The following PGBD5 variants were observed in gnomAD, a reference collection of about 807,000 sequenced individuals.
PGBD5 encodes piggyBac transposable element derived 5.
In PGBD5, 14 loss-of-function variants were observed where a neutral mutation model predicts 47.9. The ratio of observed to expected loss-of-function variants is 0.29; its 90% CI spans 0.19 to 0.46. The LOEUF (loss-of-function observed/expected upper bound fraction) is 0.46, where lower values mean the gene tolerates loss of function less well. PGBD5 is among the 20% of genes least tolerant of loss of function. The probability of loss-of-function intolerance (pLI) is 1.00; values close to 1 mark genes in which losing one functional copy is unlikely to be tolerated. For synonymous variants in PGBD5, 316 were observed against 306.3 expected, an observed-to-expected ratio of 1.03 and a Z score of -0.33; for missense variants, 635 against 716.0, an observed-to-expected ratio of 0.89 and a Z score of 1.29.
rs1431711108 is a variant in PGBD5, at chr1:230,422,837, CT to C, written c.331+2760del. ...GTTGCTTTTAGGGCTGGCACGGGAACTAGCACTGCTTCCTCCCTCTCCCAGC... is the reference window on the plus strand; with the variant it reads ...GTTGCTTTTAGGGCTGGCACGGGAACAGCACTGCTTCCTCCCTCTCCCAGC... On this transcript the variant is annotated intron_variant, in intron 1 of 6. Coordinates refer to ENST00000391860, the MANE Select transcript of PGBD5 (RefSeq NM_001258311.2). Among the ~76,000 whole-genome samples the C allele has an allele frequency of 2.0e-5, 3 of 152,190 alleles. No homozygotes were observed. The East Asian group carries it at 5.8e-4, about 29-fold the overall frequency.
At chr1:230,360,755 T>C (rs192592083) in intron 1 of PGBD5, among the ~76,000 whole-genome samples, 4 of 152,314 alleles carry the variant, frequency 2.6e-5, no homozygotes, top group African/African-American at 7.2e-5. Context: ...TATTTCTTCA[T>C]AGCAGCATGA....
intron 1 of PGBD5, among the ~76,000 whole-genome samples, chr1:230,377,045 A>G (rs1668023959): frequency 6.6e-6 from 1 of 152,220 alleles, no homozygotes. Flanking sequence ...TTCTCTGGGC[A>G]TAGAGCTTCC....
intron 1 of PGBD5, among the ~76,000 whole-genome samples, chr1:230,368,904 G>A (rs1400571964): frequency 1.3e-5 from 2 of 152,242 alleles, no homozygotes; most frequent in African/African-American, 4.8e-5. Flanking sequence ...ACACAAGTGA[G>A]GTTCAACACA....
At chr1:230,349,255 T>C (rs1667524761) in intron 3 of PGBD5, among the ~76,000 whole-genome samples, 1 of 152,078 alleles carries the variant, frequency 6.6e-6, no homozygotes, top group Non-Finnish European at 1.5e-5. Flanking sequence ...AGGGCCGGTA[T>C]GGTGGCTCTT....
chr1:230,380,802 C>T (rs1197511357), intron 1 of PGBD5, among the ~76,000 whole-genome samples: 1 of 152,232 alleles, frequency 6.6e-6, no homozygotes, highest in Non-Finnish European at 1.5e-5. Context: ...GTGCAGGGCT[C>T]TGTCCACCAA....
At position 230,328,895 on chromosome 1, in the gene PGBD5, G is replaced by C. The variant is rs555193650; in HGVS notation, c.1274-3480C>G. On this transcript the variant is annotated intron_variant, in intron 5 of 6. Transcript: ENST00000391860. ...TTCGAAAGAAAAGCAAAAGGGTTTG[G>C]TTCACAATGGGAATATCCCTTGACA... Among the ~76,000 whole-genome samples, 24 of 152,224 alleles carry C rather than the reference G, an allele frequency of 1.6e-4. No individual in the cohort carries two copies. The South Asian group carries it at 5.0e-3, about 32-fold the overall frequency.
rs1177714878 is a variant in PGBD5 at position 230,322,998 on chromosome 1, GCTTC to G, written c.*423_*426del. The stretch of plus-strand genomic sequence containing the variant: ...CATTGTAACCATGCAGGGCGTCTTT[GCTTC>G]CTTCAAGTCTTGAACTTGAACCACG... On this transcript the variant is annotated 3_prime_UTR_variant, in exon 7 of 7. Transcript: ENST00000391860. The surrounding 1 kb of genome is among the most constrained non-coding windows in gnomAD (Gnocchi z 5.9). 1.2e-5 allele frequency: 2 copies of G among 170,800 alleles called. No homozygotes were observed. Among genetic ancestry groups the G allele is most frequent in the Non-Finnish European group, 2.5e-5 (2 of 79,066 alleles). The allele number at this position is 170,800 out of a possible 1,614,324, so 10.6% of individuals were successfully genotyped here.
chr1:230,330,211 T>G (rs1667190282), intron 5 of PGBD5, among the ~76,000 whole-genome samples: 1 of 152,152 alleles, frequency 6.6e-6, no homozygotes, highest in South Asian at 2.1e-4. Flanking sequence ...GGGGGCATCT[T>G]CACCTGTCAG....
At chr1:230,330,408 T>A (rs960452077) in intron 5 of PGBD5, among the ~76,000 whole-genome samples, 2 of 152,192 alleles carry the variant, frequency 1.3e-5, no homozygotes, top group Non-Finnish European at 2.9e-5. Context: ...TGTTTATGTA[T>A]GAAGACATCA....
At chr1:230,356,521 CT>C (rs1448645934) in intron 2 of PGBD5, among the ~76,000 whole-genome samples, 1 of 152,132 alleles carries the variant, frequency 6.6e-6, no homozygotes, top group African/African-American at 2.4e-5. Flanking sequence ...TTCTAGCCTC[CT>C]TTCGTCACCA....
At chr1:230,394,666 G>C (rs1354259835) in intron 1 of PGBD5, among the ~76,000 whole-genome samples, 18 of 94,706 alleles carry the variant, frequency 1.9e-4, no homozygotes, top group Middle Eastern at 0.016. Flanking sequence ...AATCCCCAAG[G>C]TCCTCTCATT....
At chr1:230,355,460 G>A (rs905174272) in intron 2 of PGBD5, among the ~76,000 whole-genome samples, 2 of 152,232 alleles carry the variant, frequency 1.3e-5, no homozygotes, top group African/African-American at 4.8e-5. Flanking sequence ...TGAATGTGCT[G>A]TTTATTTTTC....
intron 1 of PGBD5, among the ~76,000 whole-genome samples, chr1:230,381,836 T>C (rs1656502825): frequency 6.6e-6 from 1 of 152,090 alleles, no homozygotes; most frequent in Non-Finnish European, 1.5e-5. Flanking sequence ...CACCCCAGCA[T>C]GCTGGGATCA....
intron 1 of PGBD5, among the ~76,000 whole-genome samples, chr1:230,416,586 C>A (rs1290049316): frequency 6.6e-6 from 1 of 152,168 alleles, no homozygotes; most frequent in Admixed American, 6.5e-5. Flanking sequence ...GGAAACAAGA[C>A]CAGGCCAGCA....
At chr1:230,333,762 A>G (rs1667259418) in intron 4 of PGBD5, among the ~76,000 whole-genome samples, 1 of 152,226 alleles carries the variant, frequency 6.6e-6, no homozygotes, top group Non-Finnish European at 1.5e-5. Flanking sequence ...AGGGAGAAGG[A>G]GCTTGAGCTC....
intron 2 of PGBD5, among the ~76,000 whole-genome samples, chr1:230,353,362 CTCTAATTAA>C (rs1667587410): frequency 6.6e-6 from 1 of 152,156 alleles, no homozygotes; most frequent in Non-Finnish European, 1.5e-5. Context: ...GAAAATATTT[CTCTAATTAA>C]TCTGGCTCCA....
At chr1:230,411,342 T>C (rs923091088) in intron 1 of PGBD5, among the ~76,000 whole-genome samples, 3 of 152,064 alleles carry the variant, frequency 2.0e-5, no homozygotes, top group African/African-American at 7.2e-5. Flanking sequence ...AAGATTATGA[T>C]TGAGAGCAGG....
chr1:230,336,627 C>T (rs1667328435), intron 4 of PGBD5, among the ~76,000 whole-genome samples: 1 of 152,204 alleles, frequency 6.6e-6, no homozygotes, highest in African/African-American at 2.4e-5. Context: ...GCCATGCATG[C>T]ACCAAACACC....
chr1:230,338,427 T>C (rs1480550907), intron 3 of PGBD5, among the ~76,000 whole-genome samples: 1 of 152,244 alleles, frequency 6.6e-6, no homozygotes, highest in Non-Finnish European at 1.5e-5. Context: ...GTGTCCCTGC[T>C]GGCTGTCAGC....
Sources: allele counts gnomAD v4.1 joint callset (sites outside exome capture counted in the v4.1 genomes callset), GRCh38; gene constraint gnomAD v4.1.1; non-coding constraint Gnocchi (gnomAD v3.1); transcripts MANE v1.5; gene names NCBI Gene and HGNC (gene_info 2026-07-23, HGNC 2026-07-21).